CCNC: variants seen among roughly 807,000 people sequenced by gnomAD.
The protein encoded by CCNC is cyclin-C.
CCNC carries 19 observed loss-of-function variants against 50.0 expected under a neutral mutation model. The observed-to-expected ratio is 0.38, with a 90% confidence interval of 0.27 to 0.56. CCNC has a LOEUF of 0.56. CCNC is among the 20% of genes least tolerant of loss of function. CCNC has a pLI of 0.72. For synonymous variants in CCNC, 93 were observed against 103.7 expected (o/e 0.90, Z 0.63); for missense variants, 200 against 327.1 (o/e 0.61, Z 3.00).
intron 10 of CCNC, among the ~76,000 whole-genome samples, chr6:99,545,664 T>C (rs1309330007): frequency 2.0e-5 from 3 of 152,226 alleles, no homozygotes; most frequent in African/African-American, 7.2e-5. Context: ...GCTACAAATT[T>C]GAAACAACTA....
chr6:99,550,388 T>C (rs984132924), intron 7 of CCNC, 79 bp from the exon 8 acceptor site: 1 of 937,544 alleles, frequency 1.1e-6, no homozygotes, highest in South Asian at 1.5e-5. Context: ...ACCCAACTGA[T>C]TTGTAATTGT....
At chr6:99,564,568 A>G (rs1769035937) in intron 1 of CCNC, among the ~76,000 whole-genome samples, 2 of 152,066 alleles carry the variant, frequency 1.3e-5, no homozygotes, top group Non-Finnish European at 2.9e-5. Context: ...TATTGGTCAA[A>G]TACAGTTCTT....
chr6:99,557,490 GA>G (rs1353192110), intron 5 of CCNC: 1 of 152,104 alleles, frequency 6.6e-6, no homozygotes, highest in Non-Finnish European at 1.5e-5. Flanking sequence ...TATTTGGAGA[GA>G]GGGTCTTTAA....
At chr6:99,566,858 A>G (rs1562496212) in intron 1 of CCNC, 1 of 421,274 alleles carries the variant, frequency 2.4e-6, no homozygotes, top group Non-Finnish European at 4.7e-6. Context: ...CATGAAATAT[A>G]GCATATTTAA....
intron 9 of CCNC, chr6:99,549,268 A>T: frequency 1.7e-6 from 1 of 584,904 alleles, no homozygotes; most frequent in South Asian, 2.0e-5. Flanking sequence ...GACACCGATT[A>T]AAACTATTTT....
chr6:99,568,014 GCCA>G, intron 1 of CCNC: 1 of 156,574 alleles, frequency 6.4e-6, no homozygotes, highest in Non-Finnish European at 1.4e-5. Flanking sequence ...GCAGAAACAA[GCCA>G]GACTCTCTCC....
chr6:99,553,728 G>A (rs949526870), intron 5 of CCNC, among the ~76,000 whole-genome samples: 4 of 152,026 alleles, frequency 2.6e-5, no homozygotes, highest in Non-Finnish European at 5.9e-5. Flanking sequence ...ATCATGCACA[G>A]TTCTCTTATA....
At chr6:99,550,174 A>G (rs1802231809) in intron 8 of CCNC, 44 bp downstream of exon 8, 6 of 1,298,126 alleles carry the variant, frequency 4.6e-6, no homozygotes, top group Non-Finnish European at 6.6e-6. Context: ...CAACCTTCCT[A>G]TCTAATAACA....
chr6:99,557,335 T>C (rs548413785), intron 5 of CCNC: 11 of 152,232 alleles, frequency 7.2e-5, no homozygotes, highest in African/African-American at 2.6e-4. Flanking sequence ...CACAGTGTTT[T>C]CCAGTGATAA....
intron 11 of CCNC, chr6:99,544,089 G>A: frequency 7.3e-7 from 1 of 1,374,290 alleles, no homozygotes. Flanking sequence ...ACCTTTATAA[G>A]TCAGCAAGAA....
intron 9 of CCNC, among the ~76,000 whole-genome samples, chr6:99,549,115 A>G (rs1241850895): frequency 6.6e-6 from 1 of 152,086 alleles, no homozygotes; most frequent in Non-Finnish European, 1.5e-5. Flanking sequence ...AGCATTATGG[A>G]CCACAGATGC....
rs758185413 is a variant in CCNC, at chr6:99,545,104, CA to C, written c.797+7del. The C allele has an allele frequency of 7.8e-5, 107 of 1,364,348 alleles. No individual in the cohort carries two copies. The highest frequency in any genetic ancestry group is 1.1e-4 in the Non-Finnish European group (102 of 953,516). 84.5% of individuals were successfully genotyped at this position (1,364,348 alleles called of 1,614,324 possible). A position where few individuals can be genotyped will look rare whatever the true frequency, so the allele number is the denominator to read the frequency against. On this transcript the variant is annotated splice_region_variant and intron_variant, in intron 11 of 11. Transcript: ENST00000520429. ...AAATGACATCAATAATTAAAGTCTA[CA>C]AAGTACCTGTTTGGAGGTGGTTTTG... is the stretch of plus-strand genomic sequence containing the variant.
chr6:99,548,968 A>G (rs1416662184), intron 9 of CCNC, among the ~76,000 whole-genome samples: 1 of 152,182 alleles, frequency 6.6e-6, no homozygotes, highest in African/African-American at 2.4e-5. Context: ...TAAGGAAACA[A>G]ACACGGAAAG....
chr6:99,544,065 T>TATAA, intron 11 of CCNC: 1 of 1,294,916 alleles, frequency 7.7e-7, no homozygotes, highest in Non-Finnish European at 9.9e-7. Context: ...TAAAATCATA[T>TATAA]ATAAATACAG....
At chr6:99,549,321 G>T in intron 9 of CCNC, 187 bp downstream of exon 9, 2 of 656,168 alleles carry the variant, frequency 3.0e-6, no homozygotes, top group Non-Finnish European at 5.4e-6. Flanking sequence ...CCAAAAAGGG[G>T]GTGGGGGAAT....
chr6:99,551,114 T>G, intron 6 of CCNC, 86 bp from the exon 7 acceptor site: 2 of 651,186 alleles, frequency 3.1e-6, no homozygotes, highest in Non-Finnish European at 4.3e-6. Flanking sequence ...TTACAGACAT[T>G]ATAGTAATTT....
intron 1 of CCNC, 35 bp from the exon 2 acceptor site, chr6:99,562,983 A>G: frequency 7.6e-7 from 1 of 1,323,762 alleles, no homozygotes; most frequent in Non-Finnish European, 1.1e-6. Flanking sequence ...TCAACAAGCA[A>G]GGTCAGAGGA....
intron 8 of CCNC, among the ~76,000 whole-genome samples, chr6:99,549,951 TCA>T (rs35287762): frequency 0.25 from 38,435 of 151,932 alleles, 5,000 homozygotes; most frequent in East Asian, 0.37. Flanking sequence ...AAAGATAACT[TCA>T]GTCTTAATTT....
rs1274169599 is a variant in CCNC, at chr6:99,568,601, T to G, written c.-74A>C. ...GCGGAGCGACCATAGACCCAGCCCG[T>G]CCGGTAACCGCGCTCCTCGATCAAA... On this transcript the variant is annotated 5_prime_UTR_variant, in exon 1 of 12. Transcript: ENST00000520429. 4 of 1,576,942 alleles carry G rather than the reference T, an allele frequency of 2.5e-6. No homozygotes were observed. Among genetic ancestry groups the G allele is most frequent in the Non-Finnish European group, 3.4e-6 (4 of 1,162,750 alleles).
Sources: gnomAD v4.1 joint callset for allele counts (sites outside exome capture counted in the v4.1 genomes callset) on GRCh38, gnomAD v4.1.1 for gene constraint, MANE v1.5 for transcripts, NCBI Gene and HGNC (gene_info 2026-07-23, HGNC 2026-07-21) for gene names.